AGMO: variants seen among roughly 807,000 people sequenced by gnomAD.
AGMO encodes glyceryl-ether monooxygenase.
In AGMO, 75 loss-of-function variants were observed where a neutral mutation model predicts 60.2. The ratio of observed to expected loss-of-function variants is 1.25; its 90% CI spans 1.03 to 1.51. The LOEUF (loss-of-function observed/expected upper bound fraction) is 1.51. Ranked by LOEUF, AGMO falls within the 40% of genes most tolerant of loss-of-function variation. The pLI, the probability that AGMO is intolerant of heterozygous loss-of-function variation, is 0.00. For synonymous variants in AGMO, 261 were observed against 177.1 expected (o/e 1.47, Z -3.76); for missense variants, 763 against 525.5 (o/e 1.45, Z -4.42).
chr7:15,506,029 T>G (rs1236523472), intron 3 of AGMO, among the ~76,000 whole-genome samples: 1 of 151,974 alleles, frequency 6.6e-6, no homozygotes, highest in East Asian at 1.9e-4. Flanking sequence ...TTTGATCTCA[T>G]AAAATTCAAA....
At chr7:15,287,249 T>G (rs1468383637) in intron 12 of AGMO, among the ~76,000 whole-genome samples, 1 of 152,110 alleles carries the variant, frequency 6.6e-6, no homozygotes, top group African/African-American at 2.4e-5. Flanking sequence ...TTAAAAAACA[T>G]GAAACCATGG....
chr7:15,470,234 G>T (rs1782414530), intron 3 of AGMO, among the ~76,000 whole-genome samples: 1 of 151,988 alleles, frequency 6.6e-6, no homozygotes, highest in African/African-American at 2.4e-5. Flanking sequence ...ATCATTAGAA[G>T]ATTATATTTA....
the AGMO span, among the ~76,000 whole-genome samples, chr7:15,117,787 CAA>C: frequency 6.6e-6 from 1 of 151,768 alleles, no homozygotes; most frequent in African/African-American, 2.4e-5. Flanking sequence ...TTGGATTAAG[CAA>C]AAGATAGGTA....
chr7:15,379,967 T>G (rs962151506), intron 10 of AGMO, among the ~76,000 whole-genome samples: 1 of 152,068 alleles, frequency 6.6e-6, no homozygotes, highest in Admixed American at 6.6e-5. Flanking sequence ...CACCCTTTCA[T>G]ATTGCTCATT....
chr7:15,129,080 C>T, the AGMO span, among the ~76,000 whole-genome samples: 1 of 152,178 alleles, frequency 6.6e-6, no homozygotes, highest in South Asian at 2.1e-4. Flanking sequence ...GTTTGGCTTT[C>T]ACTGGTTGAT....
chr7:15,377,540 C>T (rs1783502445), intron 10 of AGMO, among the ~76,000 whole-genome samples: 1 of 151,980 alleles, frequency 6.6e-6, no homozygotes. Flanking sequence ...AACATGGAGG[C>T]TCACATAGCT....
At chr7:15,302,358 A>T (rs1222602662) in intron 12 of AGMO, among the ~76,000 whole-genome samples, 1 of 152,144 alleles carries the variant, frequency 6.6e-6, no homozygotes, top group African/African-American at 2.4e-5. Context: ...TTTCTTCAAA[A>T]ATTATATTGG....
intron 12 of AGMO, among the ~76,000 whole-genome samples, chr7:15,219,852 C>A (rs1781862938): frequency 6.6e-6 from 1 of 152,098 alleles, no homozygotes. Context: ...GAGTATATAC[C>A]TAAGAAAATA....
intron 12 of AGMO, among the ~76,000 whole-genome samples, chr7:15,359,356 T>G (rs1429943426): frequency 2.6e-5 from 4 of 152,040 alleles, no homozygotes. Flanking sequence ...TTTTTGCTCA[T>G]AAATTGATGA....
intron 3 of AGMO, among the ~76,000 whole-genome samples, chr7:15,500,728 A>G (rs1783360867): frequency 6.6e-6 from 1 of 152,004 alleles, no homozygotes; most frequent in East Asian, 1.9e-4. Context: ...GTCTTCTGAT[A>G]GCTTTGGGGT....
the AGMO span, among the ~76,000 whole-genome samples, chr7:15,165,513 C>T: frequency 2.0e-5 from 3 of 152,024 alleles, no homozygotes; most frequent in Admixed American, 1.3e-4. Context: ...AACAATAAGC[C>T]TTATGTTTTT....
rs1451727408 is a variant in AGMO, at chr7:15,354,504, A to ACG, written c.1263+11009_1263+11010insCG. Reference sequence around the variant, plus strand: ...TGTGTATATACACACGTGTATATATATATATATATATATATATATATATAT... The same window carrying ACG: ...TGTGTATATACACACGTGTATATATACGTATATATATATATATATATATATAT... On this transcript the variant is annotated intron_variant, in intron 12 of 12. Coordinates refer to ENST00000342526, the MANE Select transcript of AGMO (RefSeq NM_001004320.2). Among the ~76,000 whole-genome samples, 112 of 35,590 alleles carry ACG rather than the reference A, an allele frequency of 3.1e-3. 6 individuals carry two copies. Among genetic ancestry groups the ACG allele is most frequent in the Middle Eastern group, 0.033 (2 of 60 alleles). 23.3% of individuals were successfully genotyped at this position (35,590 alleles called of 152,430 possible). A position where few individuals can be genotyped will look rare whatever the true frequency, so the allele number is the denominator to read the frequency against.
the AGMO span, among the ~76,000 whole-genome samples, chr7:15,171,171 C>T: frequency 3.3e-5 from 5 of 151,970 alleles, no homozygotes; most frequent in Admixed American, 1.3e-4. Flanking sequence ...TTAGTAGAGA[C>T]GGGGTTTCAC....
chr7:15,237,425 GA>G (rs902217352), intron 12 of AGMO, among the ~76,000 whole-genome samples: 5 of 151,880 alleles, frequency 3.3e-5, no homozygotes, highest in African/African-American at 1.2e-4. Flanking sequence ...GACCCTTTAA[GA>G]TTTTGCCCAC....
intron 12 of AGMO, among the ~76,000 whole-genome samples, chr7:15,354,381 CACGT>C (rs1215262831): frequency 7.0e-5 from 1 of 14,358 alleles, no homozygotes; most frequent in African/African-American, 4.1e-4. Flanking sequence ...CGTGTGTATA[CACGT>C]GTGTGTATAC....
rs373770229 is a variant in AGMO at position 15,216,811 on chromosome 7, C to T, written c.1264-15452G>A. The stretch of plus-strand genomic sequence containing the variant: ...CATGCATTACGTTCCTATATAAGTG[C>T]AAGAAACAAAGTGAAAGAAAAAGTG... On this transcript the variant is annotated intron_variant, in intron 12 of 12. Transcript: ENST00000342526. Among the ~76,000 whole-genome samples, 136 of 146,658 alleles carry T rather than the reference C, an allele frequency of 9.3e-4. 2 individuals carry two copies. The highest frequency in any genetic ancestry group is 3.2e-3 in the African/African-American group (128 of 39,516).
intron 3 of AGMO, among the ~76,000 whole-genome samples, chr7:15,495,313 G>C (rs915163117): frequency 1.4e-4 from 21 of 152,010 alleles, no homozygotes; most frequent in African/African-American, 4.8e-4. Flanking sequence ...CAATAGTTTT[G>C]GCATTCTTCC....
At chr7:15,139,884 TAGTC>T in the AGMO span, among the ~76,000 whole-genome samples, 3 of 149,742 alleles carry the variant, frequency 2.0e-5, no homozygotes, top group Admixed American at 1.3e-4. Context: ...TTCCTGCCAT[TAGTC>T]AGCATTTAAC....
At chr7:15,309,600 G>C (rs1006988382) in intron 12 of AGMO, among the ~76,000 whole-genome samples, 3 of 151,966 alleles carry the variant, frequency 2.0e-5, no homozygotes, top group Non-Finnish European at 2.9e-5. Flanking sequence ...GAAAAGACAG[G>C]TCCCTAATTA....
Sources: allele counts gnomAD v4.1 joint callset (sites outside exome capture counted in the v4.1 genomes callset), GRCh38; gene constraint gnomAD v4.1.1; transcripts MANE v1.5; gene names NCBI Gene and HGNC (gene_info 2026-07-23, HGNC 2026-07-21).